The following MCUB variants were observed in gnomAD, a reference collection of about 807,000 sequenced individuals.
MCUB encodes the protein mitochondrial calcium uniporter dominant negative subunit beta.
MCUB carries 46 observed loss-of-function variants against 41.4 expected under a neutral mutation model. The observed-to-expected ratio is 1.11, with a 90% CI of 0.88 to 1.42. MCUB has a LOEUF of 1.42. Among genes scored for constraint, MCUB ranks in the 40% most tolerant of loss-of-function variants. MCUB has a pLI of 0.00. For missense variants in MCUB, 403 were observed against 404.9 expected (o/e 1.00, Z 0.04); for synonymous variants, 148 against 148.2 (o/e 1.00, Z 0.01).
chr4:109,651,051 C>A lies in MCUB; in HGVS notation c.100-7960C>A, dbSNP rs370452647. Reference sequence around the variant, plus strand: ...AATTAAGATGGTATCTGTCAGGCTTCTTCCCTTTGAAGTTATTATTTTTCC... The same window carrying A: ...AATTAAGATGGTATCTGTCAGGCTTATTCCCTTTGAAGTTATTATTTTTCC... On this transcript the variant is annotated intron_variant, in intron 1 of 7. Coordinates refer to ENST00000394650, the MANE Select transcript of MCUB (RefSeq NM_017918.5). Among the ~76,000 whole-genome samples, 16 of 152,320 alleles carry A rather than the reference C, an allele frequency of 1.1e-4. No homozygotes were observed. In the East Asian group the frequency reaches 3.1e-3, roughly 29 times the overall value.
intron 1 of MCUB, among the ~76,000 whole-genome samples, chr4:109,649,049 C>T (rs1049381777): frequency 6.6e-6 from 1 of 152,052 alleles, no homozygotes; most frequent in Non-Finnish European, 1.5e-5. Flanking sequence ...ATTCTTATTC[C>T]TTGTTCGTGT....
rs1284334139 is a variant in MCUB, at chr4:109,687,543, A to G, written c.962A>G (p.His321Arg). The G allele has an allele frequency of 6.2e-7, 1 of 1,612,926 alleles. No individual in the cohort carries two copies. The highest frequency in any genetic ancestry group is 8.5e-7 in the Non-Finnish European group (1 of 1,179,206). ...KAKESLKQAR[H>R]SLCLQMQVEE... ...AAAGAATCCCTGAAACAGGCGCGTC[A>G]TTCTCTCTGTTTGCAAATGCAAGTA... Residue 321 changes from histidine to arginine, a missense_variant, in exon 8 of 8, where the codon CAT (histidine) becomes CGT (arginine). Transcript: ENST00000394650.
intron 1 of MCUB, among the ~76,000 whole-genome samples, chr4:109,589,271 C>T (rs1350437818): frequency 2.0e-5 from 3 of 152,178 alleles, no homozygotes; most frequent in Admixed American, 6.5e-5. Context: ...TCCCAGAGAA[C>T]CCTGATTGCC....
intron 1 of MCUB, among the ~76,000 whole-genome samples, chr4:109,563,631 C>A (rs191682583): frequency 6.6e-6 from 1 of 152,252 alleles, no homozygotes; most frequent in East Asian, 1.9e-4. Flanking sequence ...TTAAACATTA[C>A]CACTTTTGCA....
Position 109,623,210 on chromosome 4 carries a change from G to A in MCUB, c.100-35801G>A, listed in dbSNP as rs142800444. 7.4e-3 allele frequency among the ~76,000 whole-genome samples: 1,120 copies of A among 152,302 alleles called. 25 individuals carry two copies. The highest frequency in any genetic ancestry group is 0.065 in the East Asian group (335 of 5,184). On this transcript the variant is annotated intron_variant, in intron 1 of 7. Coordinates refer to ENST00000394650, the MANE Select transcript of MCUB (RefSeq NM_017918.5). ...ATCGTCAGCATTAGTTAAATCCACT[G>A]TCACGAAGAAAAGAGCTTGGCTGAT... is the stretch of plus-strand genomic sequence containing the variant.
At chr4:109,572,911 G>T (rs7692819) in intron 1 of MCUB, among the ~76,000 whole-genome samples, 11,275 of 152,028 alleles carry the variant, frequency 0.074, 1,337 homozygotes, top group African/African-American at 0.25. Context: ...TATTAGTAAG[G>T]CTTCAATTAA....
rs4698744 is a variant in MCUB at position 109,660,207 on chromosome 4, T to C, written c.188T>C (p.Ile63Thr). The change falls in exon 3 of 8, where the codon ATT becomes ACT. Residue 63 changes from isoleucine to threonine, a missense_variant. By Grantham distance (89) the Ile-to-Thr change is moderately conservative (BLOSUM62 -1). Transcript: ENST00000394650. ...TTTTCCTTAACAGAAATAACAGTTA[T>C]TTATAGACATGGCCTTCCCTTGGTA... Reference protein sequence around the residue: ...TVVPPDEITVIYRHGLPLVTL... With the variant: ...TVVPPDEITVTYRHGLPLVTL... The C allele has an allele frequency of 6.5e-7, 1 of 1,536,046 alleles. No homozygotes were observed.
At chr4:109,661,709 G>T (rs1248974914) in intron 3 of MCUB, among the ~76,000 whole-genome samples, 1 of 152,128 alleles carries the variant, frequency 6.6e-6, no homozygotes, top group Non-Finnish European at 1.5e-5. Context: ...AAAGACCTGG[G>T]GGAAATGAGG....
At chr4:109,657,358 G>T (rs945974404) in intron 1 of MCUB, among the ~76,000 whole-genome samples, 2 of 151,982 alleles carry the variant, frequency 1.3e-5, no homozygotes, top group African/African-American at 2.4e-5. Context: ...TATTGATGAG[G>T]TTCTTTTAAT....
intron 1 of MCUB, among the ~76,000 whole-genome samples, chr4:109,621,361 G>A (rs1003458589): frequency 6.6e-6 from 1 of 152,120 alleles, no homozygotes. Flanking sequence ...TTCTATAACT[G>A]TTACAAATTA....
chr4:109,656,514 C>CT (rs1381316049), intron 1 of MCUB, among the ~76,000 whole-genome samples: 1 of 151,444 alleles, frequency 6.6e-6, no homozygotes, highest in Non-Finnish European at 1.5e-5. Flanking sequence ...GTAGCCAGGA[C>CT]TACAGGCATG....
intron 1 of MCUB, among the ~76,000 whole-genome samples, chr4:109,644,996 C>G (rs543274541): frequency 6.6e-6 from 1 of 152,136 alleles, no homozygotes; most frequent in Non-Finnish European, 1.5e-5. Flanking sequence ...ACACACACTT[C>G]GGCATTCCTG....
intron 1 of MCUB, among the ~76,000 whole-genome samples, chr4:109,612,845 G>A (rs375605201): frequency 5.9e-5 from 9 of 152,130 alleles, no homozygotes; most frequent in Admixed American, 3.3e-4. Context: ...GGTGTCTCAC[G>A]CCTGTAATCC....
At chr4:109,601,682 G>T (rs1727748604) in intron 1 of MCUB, among the ~76,000 whole-genome samples, 1 of 152,254 alleles carries the variant, frequency 6.6e-6, no homozygotes, top group African/African-American at 2.4e-5. Context: ...ATTGTGAACA[G>T]TGCTGCAGTA....
At chr4:109,621,421 A>T (rs1030075930) in intron 1 of MCUB, among the ~76,000 whole-genome samples, 2 of 152,142 alleles carry the variant, frequency 1.3e-5, no homozygotes, top group Admixed American at 1.3e-4. Flanking sequence ...AGCTTATATA[A>T]TCATCCTCCA....
intron 1 of MCUB, among the ~76,000 whole-genome samples, chr4:109,655,291 C>T (rs1188620453): frequency 1.1e-4 from 16 of 152,166 alleles, no homozygotes; most frequent in Admixed American, 9.2e-4. Flanking sequence ...CCTCCCAACA[C>T]GTGGTTGCAT....
chr4:109,563,748 T>C (rs1056917373), intron 1 of MCUB, among the ~76,000 whole-genome samples: 5 of 152,242 alleles, frequency 3.3e-5, no homozygotes, highest in African/African-American at 1.2e-4. Context: ...ATTTGTGTCT[T>C]GGCAGAAAGA....
intron 4 of MCUB, among the ~76,000 whole-genome samples, chr4:109,681,001 T>G (rs1010369327): frequency 6.6e-6 from 1 of 152,130 alleles, no homozygotes; most frequent in Non-Finnish European, 1.5e-5. Flanking sequence ...CAAGAGAACT[T>G]TATATTAAAA....
chr4:109,564,576 C>T (rs1159780432), intron 1 of MCUB, among the ~76,000 whole-genome samples: 2 of 152,150 alleles, frequency 1.3e-5, no homozygotes, highest in African/African-American at 4.8e-5. Flanking sequence ...GATTTCTCAT[C>T]AATATTGTGA....
Sources: gnomAD v4.1 joint callset for allele counts (sites outside exome capture counted in the v4.1 genomes callset) on GRCh38, gnomAD v4.1.1 for gene constraint, MANE v1.5 for transcripts, NCBI Gene and HGNC (gene_info 2026-07-23, HGNC 2026-07-21) for gene names.